Variants in CSMD3 observed in about 807,000 individuals in gnomAD.
CSMD3 encodes CUB and Sushi multiple domains 3, also known as CUB and sushi domain-containing protein 3.
Under a neutral mutation model 435.2 loss-of-function variants are expected in CSMD3, and 177 were observed. The observed-to-expected ratio is 0.41, with a 90% CI of 0.36 to 0.46. CSMD3 has a LOEUF of 0.46. CSMD3 is among the 20% of genes least tolerant of loss of function. The pLI is 0.34. For missense variants in CSMD3, 4,265 were observed against 4,504.6 expected, an observed-to-expected ratio of 0.95 and a Z score of 1.52; for synonymous variants, 1,656 against 1,520.5, an observed-to-expected ratio of 1.09 and a Z score of -2.07.
intron 22 of CSMD3, among the ~76,000 whole-genome samples, chr8:112,615,623 T>C (rs1833608385): frequency 6.6e-6 from 1 of 152,016 alleles, no homozygotes; most frequent in African/African-American, 2.4e-5. Context: ...AACTACTAGA[T>C]GCAATTCTAT....
intron 53 of CSMD3, among the ~76,000 whole-genome samples, chr8:112,296,373 A>T (rs1419527681): frequency 6.6e-6 from 1 of 152,016 alleles, no homozygotes; most frequent in Non-Finnish European, 1.5e-5. Context: ...AACACGATGA[A>T]ACCCCGTCTC....
At chr8:112,719,236 G>C (rs2076802527) in intron 13 of CSMD3, among the ~76,000 whole-genome samples, 1 of 152,098 alleles carries the variant, frequency 6.6e-6, no homozygotes, top group Non-Finnish European at 1.5e-5. Flanking sequence ...GGTCAGATTA[G>C]AAGACTAAGT....
chr8:112,406,139 C>G (rs1243664865), intron 35 of CSMD3, among the ~76,000 whole-genome samples: 1 of 151,866 alleles, frequency 6.6e-6, no homozygotes, highest in African/African-American at 2.4e-5. Flanking sequence ...CTCATGTACT[C>G]CATTAATATA....
intron 38 of CSMD3, among the ~76,000 whole-genome samples, chr8:112,355,858 A>G (rs574040143): frequency 6.6e-6 from 1 of 152,058 alleles, no homozygotes; most frequent in Non-Finnish European, 1.5e-5. Context: ...AAAAAATAAA[A>G]AAATAAAAAG....
rs183709354 is a variant in CSMD3 at position 112,425,949 on chromosome 8, T to C, written c.5396-16917A>G. Among the ~76,000 whole-genome samples the C allele has an allele frequency of 1.5e-3, 232 of 152,310 alleles. 1 individual carries two copies. Among genetic ancestry groups the C allele is most frequent in the Middle Eastern group, 3.4e-3 (1 of 294 alleles). ...ACACACTGAAGTTTGGACTCTATTT[T>C]AGTCTTCTAAATTTTAAGCAGAAAC... On this transcript the variant is annotated intron_variant, in intron 32 of 70. Coordinates refer to ENST00000297405, the MANE Select transcript of CSMD3 (RefSeq NM_198123.2).
intron 51 of CSMD3, among the ~76,000 whole-genome samples, chr8:112,305,767 T>A (rs1032031513): frequency 6.6e-6 from 1 of 152,136 alleles, no homozygotes; most frequent in Non-Finnish European, 1.5e-5. Context: ...AACATCATTG[T>A]ATAAAATAAA....
At chr8:113,382,563 C>T (rs538216152) in intron 1 of CSMD3, among the ~76,000 whole-genome samples, 1 of 152,320 alleles carries the variant, frequency 6.6e-6, no homozygotes, top group East Asian at 1.9e-4. Context: ...TTAATACCAT[C>T]TACCAAAATG....
chr8:113,104,521 T>G (rs999196411), intron 4 of CSMD3, among the ~76,000 whole-genome samples: 3 of 152,148 alleles, frequency 2.0e-5, no homozygotes, highest in African/African-American at 7.2e-5. Flanking sequence ...TGCATTCTTG[T>G]GTTTAAAGAG....
At chr8:112,378,368 C>A (rs749469046) in intron 38 of CSMD3, among the ~76,000 whole-genome samples, 1 of 152,020 alleles carries the variant, frequency 6.6e-6, no homozygotes, top group Admixed American at 6.6e-5. Context: ...TACCTCCACT[C>A]CCATGTTTAT....
chr8:112,697,369 C>T (rs2131857018), intron 13 of CSMD3, among the ~76,000 whole-genome samples: 1 of 152,224 alleles, frequency 6.6e-6, no homozygotes, highest in Middle Eastern at 3.4e-3. Flanking sequence ...AAATGTGGCA[C>T]ATATACACCA....
chr8:113,146,876 G>A lies in CSMD3; in HGVS notation c.709+26846C>T, dbSNP rs935353898. On this transcript the variant is annotated intron_variant, in intron 4 of 70. Coordinates refer to ENST00000297405, the MANE Select transcript of CSMD3 (RefSeq NM_198123.2). Reference sequence around the variant, plus strand: ...GTATAAGGAATAAAAAGTGTTCCTTGCTAGTTGATAAAAATAAATTCATGT... The same window carrying A: ...GTATAAGGAATAAAAAGTGTTCCTTACTAGTTGATAAAAATAAATTCATGT... Among the ~76,000 whole-genome samples, 8 of 151,728 alleles carry A rather than the reference G, an allele frequency of 5.3e-5. No homozygotes were observed. The East Asian group carries it at 1.6e-3, about 30-fold the overall frequency.
intron 1 of CSMD3, among the ~76,000 whole-genome samples, chr8:113,360,356 T>G (rs16884527): frequency 6.6e-6 from 1 of 152,088 alleles, no homozygotes; most frequent in African/African-American, 2.4e-5. Context: ...GGAAGGGGTA[T>G]AATAGTAATA....
intron 12 of CSMD3, among the ~76,000 whole-genome samples, chr8:112,810,012 AGCTTTCCAGT>A (rs2079182382): frequency 6.6e-6 from 1 of 152,094 alleles, no homozygotes. Flanking sequence ...TCTCATCTAA[AGCTTTCCAGT>A]GATTTTCCAC....
chr8:112,705,353 A>G (rs2076476223), intron 13 of CSMD3, among the ~76,000 whole-genome samples: 1 of 152,036 alleles, frequency 6.6e-6, no homozygotes, highest in Non-Finnish European at 1.5e-5. Flanking sequence ...GTTCTCCAGT[A>G]TATCTTACTC....
chr8:113,106,649 C>T (rs1018624210), intron 4 of CSMD3, among the ~76,000 whole-genome samples: 12 of 152,220 alleles, frequency 7.9e-5, no homozygotes, highest in Middle Eastern at 3.4e-3. Flanking sequence ...GTGGTAGAGA[C>T]GACTAGCTGA....
At chr8:112,505,146 T>C (rs1822367951) in intron 29 of CSMD3, among the ~76,000 whole-genome samples, 1 of 152,156 alleles carries the variant, frequency 6.6e-6, no homozygotes. Context: ...AAGAATGGGA[T>C]AGTGCAGAGG....
At chr8:112,792,283 C>A (rs1325630130) in intron 13 of CSMD3, among the ~76,000 whole-genome samples, 1 of 152,076 alleles carries the variant, frequency 6.6e-6, no homozygotes, top group African/African-American at 2.4e-5. Flanking sequence ...AAATTTATTT[C>A]TCACAATCTG....
At chr8:113,319,975 C>A (rs1345959449) in intron 1 of CSMD3, among the ~76,000 whole-genome samples, 1 of 151,990 alleles carries the variant, frequency 6.6e-6, no homozygotes, top group East Asian at 1.9e-4. Context: ...TCACATATTT[C>A]ATGCCTTACA....
intron 27 of CSMD3, among the ~76,000 whole-genome samples, chr8:112,540,095 C>T (rs984028304): frequency 5.9e-5 from 9 of 151,718 alleles, no homozygotes; most frequent in African/African-American, 2.2e-4. Context: ...AAGAAACCCA[C>T]AAATAATCCA....
Sources: gnomAD v4.1 joint callset for allele counts (sites outside exome capture counted in the v4.1 genomes callset) on GRCh38, gnomAD v4.1.1 for gene constraint, MANE v1.5 for transcripts, NCBI Gene and HGNC (gene_info 2026-07-23, HGNC 2026-07-21) for gene names.